The following ARMC6 variants were observed in gnomAD, a reference collection of about 807,000 sequenced individuals.
ARMC6 encodes the protein armadillo repeat containing 6, also known as armadillo repeat-containing protein 6.
A neutral mutation model predicts 49.2 loss-of-function variants in ARMC6; 43 were observed. The observed-to-expected ratio is 0.87, with a 90% CI of 0.69 to 1.13. The LOEUF is 1.13. ARMC6 is among the 50% of genes most tolerant of loss of function. The pLI is 0.00. For synonymous variants in ARMC6, 262 were observed against 289.6 expected (o/e 0.90, Z 0.97); for missense variants, 627 against 682.0 (o/e 0.92, Z 0.90).
intron 4 of ARMC6, among the ~76,000 whole-genome samples, chr19:19,048,399 T>TATA (rs1367818961): frequency 1.3e-5 from 2 of 151,972 alleles, no homozygotes; most frequent in African/African-American, 4.8e-5. Flanking sequence ...AGTGGGTGCT[T>TATA]ATAATCCCAG....
intron 4 of ARMC6, among the ~76,000 whole-genome samples, chr19:19,046,737 T>G (rs1439306117): frequency 2.0e-5 from 3 of 149,618 alleles, no homozygotes; most frequent in South Asian, 2.1e-4. Context: ...TCAAGTGATC[T>G]GCCTGCCTCG....
chr19:19,055,360 C>G lies in ARMC6; in HGVS notation c.1119C>G (p.Ile373Met). ...AIVRAGGTES[I>M]VAAMTQHLTS... ...TCCGTGCTGGTGGGACGGAGTCCAT[C>G]GTGGCTGCTATGACCCAGCATCTGA... The change falls in exon 7 of 9, where the codon ATC (isoleucine) becomes ATG (methionine). Residue 373 changes from isoleucine to methionine, a missense_variant. By Grantham distance (10) the Ile-to-Met change is conservative. Coordinates refer to ENST00000535612, the MANE Select transcript of ARMC6 (RefSeq NM_001199196.2). The surrounding 1 kb of genome is among the most constrained non-coding windows in gnomAD (Gnocchi z 5.7). The G allele has an allele frequency of 6.2e-7, 1 of 1,612,874 alleles. No individual in the cohort carries two copies. Among genetic ancestry groups the G allele is most frequent in the East Asian group, 2.2e-5 (1 of 44,790 alleles).
chr19:19,045,493 C>CTTTTTTTTTTTTTTTT (rs11270900), intron 4 of ARMC6, among the ~76,000 whole-genome samples: 5,334 of 88,442 alleles, frequency 0.06, 1,394 homozygotes, highest in Non-Finnish European at 0.068. Context: ...ATGCTAAATT[C>CTTTTTTTTTTTTTTTT]TTTTTTTTTT....
At chr19:19,036,864 C>T (rs767481486) in intron 2 of ARMC6, among the ~76,000 whole-genome samples, 3 of 152,198 alleles carry the variant, frequency 2.0e-5, no homozygotes, top group Admixed American at 6.5e-5. Context: ...TCGTGTTTAT[C>T]TCTGTTTGAC....
chr19:19,052,031 C>T lies in ARMC6; in HGVS notation c.689C>T (p.Thr230Ile), dbSNP rs755679322. The part of the protein sequence containing the change: ...GVLPLLTGAI[T>I]HHGHHTDVVR... ...CTGCCTCTGCTGACTGGTGCCATCA[C>T]CCATCATGGCCACCACACTGACGTG... The change falls in exon 5 of 9, where the codon ACC (threonine) becomes ATC (isoleucine). Residue 230 changes from threonine to isoleucine, a missense_variant. By Grantham distance (89) the Thr-to-Ile change is moderately conservative. Transcript: ENST00000535612. 6.6e-5 allele frequency: 107 copies of T among 1,613,894 alleles called. 1 individual carries two copies. The South Asian group carries it at 1.1e-3, about 17-fold the overall frequency.
chr19:19,052,766 G>T (rs575021896), intron 5 of ARMC6, among the ~76,000 whole-genome samples: 1 of 152,272 alleles, frequency 6.6e-6, no homozygotes, highest in South Asian at 2.1e-4. Flanking sequence ...GTGTTAGGAG[G>T]ATGAGTTCCC....
intron 2 of ARMC6, among the ~76,000 whole-genome samples, chr19:19,039,819 G>C (rs1407839208): frequency 6.6e-6 from 1 of 152,078 alleles, no homozygotes; most frequent in African/African-American, 2.4e-5. Flanking sequence ...CTTTGTTCTT[G>C]TGATTTATTT....
chr19:19,057,278 C>T (rs2059552520), intron 8 of ARMC6, 138 bp from the exon 9 acceptor site: 2 of 702,888 alleles, frequency 2.8e-6, no homozygotes, highest in Admixed American at 2.7e-5. Flanking sequence ...ATGGGTCTAG[C>T]TTGATACAGT....
At chr19:19,053,171 T>C (rs954788520) in intron 5 of ARMC6, among the ~76,000 whole-genome samples, 1 of 152,166 alleles carries the variant, frequency 6.6e-6, no homozygotes, top group Non-Finnish European at 1.5e-5. Context: ...CCATTCACAT[T>C]GTTCAAGGTC....
chr19:19,041,147 C>T (rs1165276742), intron 2 of ARMC6, among the ~76,000 whole-genome samples: 2 of 151,706 alleles, frequency 1.3e-5, no homozygotes, highest in Non-Finnish European at 2.9e-5. Context: ...AGCTCCTTTT[C>T]GTGGGAAATG....
chr19:19,038,138 C>A (rs1043740975), intron 2 of ARMC6, among the ~76,000 whole-genome samples: 2 of 152,216 alleles, frequency 1.3e-5, no homozygotes, highest in African/African-American at 2.4e-5. Context: ...GATGATCTGT[C>A]ACTATCTCCC....
chr19:19,054,366 C>T, intron 6 of ARMC6, 45 bp downstream of exon 6: 1 of 1,455,818 alleles, frequency 6.9e-7, no homozygotes, highest in Non-Finnish European at 9.1e-7. Flanking sequence ...TTCTGGGTCC[C>T]AGTCAACCGG....
intron 4 of ARMC6, among the ~76,000 whole-genome samples, chr19:19,049,114 G>A (rs1234835557): frequency 1.4e-5 from 2 of 144,422 alleles, no homozygotes; most frequent in Admixed American, 1.4e-4. Context: ...GTGCAGTGGT[G>A]TGATCTTAGC....
In ARMC6 at chr19:19,051,813, G is replaced by A; in HGVS notation, c.471G>A (p.Gln157=). 1 of 1,614,092 alleles carries A rather than the reference G, an allele frequency of 6.2e-7. No homozygotes were observed. The highest frequency in any genetic ancestry group is 8.5e-7 in the Non-Finnish European group (1 of 1,180,024). ...CAGGTGACCAGGGCCTTCTGCTCCA[G>A]TCCCTCAATGCCCTGTCGGTGCTGA... is the stretch of plus-strand genomic sequence containing the variant. ...ATAGDQGLLL[Q]SLNALSVLTD... The change falls in exon 5 of 9, where the codon CAG becomes CAA. Residue 157 remains glutamine, a synonymous_variant. Transcript: ENST00000535612.
At chr19:19,048,735 C>G (rs1454277485) in intron 4 of ARMC6, among the ~76,000 whole-genome samples, 1 of 152,102 alleles carries the variant, frequency 6.6e-6, no homozygotes, top group Non-Finnish European at 1.5e-5. Flanking sequence ...AGGGAAAAGA[C>G]CTGGAAAGGG....
chr19:19,052,948 C>T (rs1203686276), intron 5 of ARMC6, among the ~76,000 whole-genome samples: 3 of 152,156 alleles, frequency 2.0e-5, no homozygotes, highest in African/African-American at 7.2e-5. Context: ...AGGTAGCTCA[C>T]ATCTTTCCTG....
At chr19:19,044,978 T>C (rs1433258714) in intron 4 of ARMC6, among the ~76,000 whole-genome samples, 1 of 152,190 alleles carries the variant, frequency 6.6e-6, no homozygotes, top group Non-Finnish European at 1.5e-5. Context: ...TTGCCTTTCT[T>C]GCCTAATAAG....
At chr19:19,044,836 G>A (rs1436006679) in intron 4 of ARMC6, among the ~76,000 whole-genome samples, 1 of 152,188 alleles carries the variant, frequency 6.6e-6, no homozygotes, top group Non-Finnish European at 1.5e-5. Flanking sequence ...AGAGGAAGTT[G>A]GAAGAGACGG....
chr19:19,051,375 C>G (rs5827427), intron 4 of ARMC6, among the ~76,000 whole-genome samples: 4,900 of 139,622 alleles, frequency 0.035, 139 homozygotes, highest in African/African-American at 0.081. Context: ...CTCTCTCTCT[C>G]TGTGTGTGTG....
Sources: gnomAD v4.1 joint callset for allele counts (sites outside exome capture counted in the v4.1 genomes callset) on GRCh38, gnomAD v4.1.1 for gene constraint, Gnocchi (gnomAD v3.1) non-coding constraint, MANE v1.5 for transcripts, NCBI Gene and HGNC (gene_info 2026-07-23, HGNC 2026-07-21) for gene names.